Variants in ACER1 observed in about 807,000 individuals in gnomAD.
ACER1 encodes the protein alkaline ceramidase 1.
ACER1 carries 28 observed loss-of-function variants against 24.9 expected under a neutral mutation model. The observed-to-expected ratio is 1.13, with a 90% confidence interval of 0.83 to 1.54. The LOEUF (loss-of-function observed/expected upper bound fraction) is 1.54. Ranked by LOEUF, ACER1 falls within the 40% of genes most tolerant of loss-of-function variation. The pLI is 0.00. For missense variants in ACER1, 352 were observed against 349.3 expected (o/e 1.01, Z -0.06); for synonymous variants, 132 against 131.4 (o/e 1.00, Z -0.03).
chr19:6,341,825 T>C, the ACER1 span, among the ~76,000 whole-genome samples: 1 of 152,122 alleles, frequency 6.6e-6, no homozygotes, highest in Non-Finnish European at 1.5e-5. Context: ...AGACGCGGGT[T>C]TCACCAGGTT....
chr19:6,326,212 G>A (rs927282338), intron 1 of ACER1, among the ~76,000 whole-genome samples: 3 of 142,722 alleles, frequency 2.1e-5, no homozygotes, highest in Non-Finnish European at 4.5e-5. Context: ...TGCAAGCTCC[G>A]CCTCCTGGGT....
the ACER1 span, among the ~76,000 whole-genome samples, chr19:6,340,849 T>A: frequency 6.6e-6 from 1 of 152,248 alleles, no homozygotes; most frequent in South Asian, 2.1e-4. Flanking sequence ...CAGAGGCGTG[T>A]GAGCTCTCAG....
the ACER1 span, among the ~76,000 whole-genome samples, chr19:6,358,559 G>A: frequency 2.0e-5 from 3 of 151,698 alleles, no homozygotes; most frequent in East Asian, 1.9e-4. Context: ...CCTGGGAGGC[G>A]GAGCTTGCAG....
At chr19:6,308,878 A>T (rs1388898866) in intron 4 of ACER1, among the ~76,000 whole-genome samples, 1 of 152,028 alleles carries the variant, frequency 6.6e-6, no homozygotes, top group Non-Finnish European at 1.5e-5. Context: ...CTCTGCTTGC[A>T]TGTCTGTTTC....
At chr19:6,350,277 C>T in the ACER1 span, among the ~76,000 whole-genome samples, 1 of 151,740 alleles carries the variant, frequency 6.6e-6, no homozygotes, top group Non-Finnish European at 1.5e-5. Context: ...ACCATCCTGG[C>T]CAACATGGTG....
the ACER1 span, among the ~76,000 whole-genome samples, chr19:6,341,601 T>C: frequency 6.6e-6 from 1 of 151,554 alleles, no homozygotes; most frequent in Non-Finnish European, 1.5e-5. Context: ...GGCTTTTTTT[T>C]GTTTTCTTTT....
At chr19:6,347,222 T>TC in the ACER1 span, among the ~76,000 whole-genome samples, 4 of 141,862 alleles carry the variant, frequency 2.8e-5, no homozygotes, top group East Asian at 6.0e-4. Context: ...TCTTTTCTTT[T>TC]TCTTTTTTTT....
intron 1 of ACER1, among the ~76,000 whole-genome samples, chr19:6,318,621 C>CAA (rs1250583933): frequency 5.5e-4 from 45 of 81,988 alleles, no homozygotes; most frequent in African/African-American, 2.1e-3. Flanking sequence ...ACTAAAAATA[C>CAA]AAAAAAAAAA....
chr19:6,315,187 TTATTTA>T lies in ACER1; in HGVS notation c.94-2694_94-2689del, dbSNP rs1322342126. 7.0e-4 allele frequency among the ~76,000 whole-genome samples: 93 copies of T among 132,460 alleles called. 1 individual carries two copies. Among genetic ancestry groups the T allele is most frequent in the African/African-American group, 2.1e-3 (64 of 30,896 alleles). 86.9% of individuals were successfully genotyped at this position (132,460 alleles called of 152,430 possible). On this transcript the variant is annotated intron_variant, in intron 1 of 5. Coordinates refer to ENST00000301452, the MANE Select transcript of ACER1 (RefSeq NM_133492.3). ...TGTGAGCCACTGCACCCGGCCTTAT[TTATTTA>T]TATTTATTTATTTATTTATTTATTT...
At chr19:6,342,437 A>T in the ACER1 span, among the ~76,000 whole-genome samples, 4 of 151,934 alleles carry the variant, frequency 2.6e-5, no homozygotes, top group African/African-American at 9.7e-5. Context: ...AAACTATTTC[A>T]GACCGGGAGT....
At chr19:6,306,973 C>T (rs935879236) in intron 5 of ACER1, 91 bp from the exon 6 acceptor site, 1 of 1,509,834 alleles carries the variant, frequency 6.6e-7, no homozygotes, top group African/African-American at 1.4e-5. Flanking sequence ...CTTGACCATC[C>T]ATCCAGGGGA....
the ACER1 span, among the ~76,000 whole-genome samples, chr19:6,359,446 G>A: frequency 6.6e-6 from 1 of 151,582 alleles, no homozygotes; most frequent in African/African-American, 2.4e-5. Context: ...AGCCTCCCAA[G>A]TAGCTGGGAT....
chr19:6,330,490 G>C (rs1198316298), intron 1 of ACER1, among the ~76,000 whole-genome samples: 1 of 150,228 alleles, frequency 6.7e-6, no homozygotes, highest in Middle Eastern at 3.4e-3. Flanking sequence ...TTTAAATTTT[G>C]TGTAGGGACT....
chr19:6,347,587 G>A, the ACER1 span, among the ~76,000 whole-genome samples: 1 of 152,032 alleles, frequency 6.6e-6, no homozygotes, highest in Non-Finnish European at 1.5e-5. Flanking sequence ...TGTTATCCCA[G>A]CACTTTGGGA....
intron 4 of ACER1, 67 bp downstream of exon 4, chr19:6,309,630 C>T (rs995618166): frequency 6.2e-7 from 1 of 1,600,848 alleles, no homozygotes; most frequent in African/African-American, 1.3e-5. Flanking sequence ...CCTCCGCGAG[C>T]CTGGAGTCAG....
chr19:6,352,108 A>G, the ACER1 span, among the ~76,000 whole-genome samples: 1 of 151,692 alleles, frequency 6.6e-6, no homozygotes, highest in Non-Finnish European at 1.5e-5. Context: ...CTTACAAGGC[A>G]TTTATTTGCA....
At chr19:6,340,237 C>T in the ACER1 span, among the ~76,000 whole-genome samples, 13 of 84,600 alleles carry the variant, frequency 1.5e-4, 1 homozygote, top group Non-Finnish European at 2.8e-4. Context: ...GCCAAGATCG[C>T]GCCACTACAC....
At chr19:6,329,464 T>C (rs1345206578) in intron 1 of ACER1, among the ~76,000 whole-genome samples, 2 of 152,046 alleles carry the variant, frequency 1.3e-5, no homozygotes, top group African/African-American at 4.8e-5. Flanking sequence ...GCAACTTTTG[T>C]TTCTGTATGA....
At chr19:6,321,895 A>T (rs896877534) in intron 1 of ACER1, among the ~76,000 whole-genome samples, 4 of 151,888 alleles carry the variant, frequency 2.6e-5, no homozygotes, top group African/African-American at 9.7e-5. Context: ...GACAGGTATG[A>T]GCCACTGCAC....
Sources: allele counts gnomAD v4.1 joint callset (sites outside exome capture counted in the v4.1 genomes callset), GRCh38; gene constraint gnomAD v4.1.1; transcripts MANE v1.5; gene names NCBI Gene and HGNC (gene_info 2026-07-23, HGNC 2026-07-21).